Variants in GLT1D1 observed in about 807,000 individuals in gnomAD.
The protein encoded by GLT1D1 is glycosyltransferase 1 domain containing 1, also known as glycosyltransferase 1 domain-containing protein 1.
In GLT1D1, 21 loss-of-function variants were observed where a neutral mutation model predicts 28.7. That is an observed-to-expected ratio of 0.73 (90% CI 0.52 to 1.05). The LOEUF is 1.05. Among genes scored for constraint, GLT1D1 ranks in the 50% least tolerant of loss-of-function variants. The probability of loss-of-function intolerance (pLI) is 0.00; values close to 1 mark genes in which losing one functional copy is unlikely to be tolerated. For synonymous variants in GLT1D1, 147 were observed against 124.8 expected (o/e 1.18, Z -1.19); for missense variants, 343 against 330.6 (o/e 1.04, Z -0.29).
chr12:128,975,244 G>A (rs1242788391), intron 7 of GLT1D1, among the ~76,000 whole-genome samples: 3 of 152,116 alleles, frequency 2.0e-5, no homozygotes, highest in African/African-American at 7.2e-5. Context: ...TGGAATGGAC[G>A]TCAGACTCAG....
At chr12:128,866,618 CTT>C (rs538025804) in intron 1 of GLT1D1, among the ~76,000 whole-genome samples, 19 of 130,550 alleles carry the variant, frequency 1.5e-4, no homozygotes, top group African/African-American at 3.1e-4. Context: ...CACCTTCAGG[CTT>C]TTTTTTTTTT....
Position 128,881,017 on chromosome 12 carries a change from G to A in GLT1D1, c.217+4955G>A, listed in dbSNP as rs542196840. Reference sequence around the variant, plus strand: ...AGACGGGCGGATCACGAGGTCAGGAGATCGAGACCATCTTGGCTAACACGG... The same window carrying A: ...AGACGGGCGGATCACGAGGTCAGGAAATCGAGACCATCTTGGCTAACACGG... On this transcript the variant is annotated intron_variant, in intron 2 of 7. Coordinates refer to ENST00000281703, the MANE Select transcript of GLT1D1 (RefSeq NM_144669.3). Among the ~76,000 whole-genome samples the A allele has an allele frequency of 4.4e-4, 66 of 149,542 alleles. No homozygotes were observed. In the East Asian group the frequency reaches 0.013, roughly 29 times the overall value.
chr12:128,861,334 CTCTG>C (rs1300482824), intron 1 of GLT1D1, among the ~76,000 whole-genome samples: 1 of 152,214 alleles, frequency 6.6e-6, no homozygotes, highest in African/African-American at 2.4e-5. Context: ...GGTATTTCCT[CTCTG>C]TCTGCTTCCA....
rs538893965 is a variant in GLT1D1, at chr12:128,898,440, G to T, written c.324-796G>T. ...GATCTTCCTGCCTCAGCCTCCCAAA[G>T]TATTGGGATTACAAGTGTGAGCCAC... On this transcript the variant is annotated intron_variant, in intron 3 of 7. Transcript: ENST00000281703. Among the ~76,000 whole-genome samples the T allele has an allele frequency of 7.9e-5, 12 of 152,276 alleles. No homozygotes were observed. The East Asian group carries it at 2.3e-3, about 29-fold the overall frequency.
At chr12:128,938,486 G>A (rs116911639) in intron 4 of GLT1D1, among the ~76,000 whole-genome samples, 2,784 of 152,262 alleles carry the variant, frequency 0.018, 37 homozygotes, top group Middle Eastern at 0.051. Flanking sequence ...AATCCTTTGC[G>A]TTAAATCTCA....
intron 7 of GLT1D1, among the ~76,000 whole-genome samples, chr12:128,976,088 A>G (rs1879738178): frequency 6.6e-6 from 1 of 152,216 alleles, no homozygotes; most frequent in East Asian, 1.9e-4. Flanking sequence ...TGTACAAGAA[A>G]AGTACCACAG....
intron 4 of GLT1D1, among the ~76,000 whole-genome samples, chr12:128,916,894 C>G (rs1872161596): frequency 6.6e-6 from 1 of 152,126 alleles, no homozygotes; most frequent in South Asian, 2.1e-4. Flanking sequence ...GCTTTTGAGT[C>G]CTGTCTACAA....
intron 6 of GLT1D1, among the ~76,000 whole-genome samples, chr12:128,951,982 C>G (rs1265488206): frequency 1.3e-5 from 2 of 152,142 alleles, no homozygotes; most frequent in East Asian, 3.9e-4. Context: ...GGAATCCTCC[C>G]CTGCGTCTCC....
At chr12:128,934,959 G>A (rs767515443) in intron 4 of GLT1D1, among the ~76,000 whole-genome samples, 5 of 151,704 alleles carry the variant, frequency 3.3e-5, no homozygotes, top group Non-Finnish European at 7.4e-5. Flanking sequence ...CTTCAAGGAC[G>A]GGGTCCAGGA....
intron 6 of GLT1D1, among the ~76,000 whole-genome samples, chr12:128,956,171 A>AAAAAAAAAAAAG (rs374597920): frequency 4.7e-5 from 3 of 63,978 alleles, no homozygotes; most frequent in South Asian, 1.5e-3. Context: ...AAAAAAAAAA[A>AAAAAAAAAAAAG]AGAGAAAGAG....
chr12:128,945,021 C>A, intron 4 of GLT1D1: 1 of 614,940 alleles, frequency 1.6e-6, no homozygotes, highest in South Asian at 2.0e-5. Flanking sequence ...TGTTCAATTC[C>A]CACCTATGAG....
At chr12:128,894,674 T>C (rs1033928987) in intron 3 of GLT1D1, among the ~76,000 whole-genome samples, 1 of 151,672 alleles carries the variant, frequency 6.6e-6, no homozygotes, top group African/African-American at 2.4e-5. Flanking sequence ...TGAACCCTCA[T>C]CTCTACTAAA....
intron 7 of GLT1D1, among the ~76,000 whole-genome samples, chr12:128,967,904 G>A (rs368529161): frequency 3.9e-4 from 59 of 152,364 alleles, no homozygotes; most frequent in East Asian, 3.3e-3. Flanking sequence ...ATCCTGCTGC[G>A]TTGATTGGAT....
At chr12:128,946,976 C>G (rs1166397182) in intron 5 of GLT1D1, among the ~76,000 whole-genome samples, 1 of 151,982 alleles carries the variant, frequency 6.6e-6, no homozygotes, top group Admixed American at 6.6e-5. Flanking sequence ...TTCTTATTGT[C>G]TCATTAGTAT....
chr12:128,906,724 T>G (rs916980907), intron 4 of GLT1D1, among the ~76,000 whole-genome samples: 1 of 151,920 alleles, frequency 6.6e-6, no homozygotes, highest in African/African-American at 2.4e-5. Context: ...TCTTTTTTTT[T>G]TTTTCTTTTT....
At chr12:128,898,163 CCTT>C (rs1418842125) in intron 3 of GLT1D1, among the ~76,000 whole-genome samples, 6 of 151,654 alleles carry the variant, frequency 4.0e-5, no homozygotes, top group East Asian at 1.9e-4. Context: ...TCCTCCTCCT[CCTT>C]CTTCTTCCTT....
intron 6 of GLT1D1, among the ~76,000 whole-genome samples, chr12:128,947,829 T>C (rs117863495): frequency 0.01 from 1,552 of 152,240 alleles, 17 homozygotes; most frequent in Non-Finnish European, 0.014. Flanking sequence ...TTTCTCTTTC[T>C]TTTCCATATG....
At chr12:128,906,347 G>C (rs961193398) in intron 4 of GLT1D1, among the ~76,000 whole-genome samples, 3 of 152,038 alleles carry the variant, frequency 2.0e-5, no homozygotes, top group Admixed American at 6.6e-5. Context: ...AAATTCATCA[G>C]AATTTCACCA....
chr12:128,977,443 GTT>G (rs1040540533), intron 7 of GLT1D1, among the ~76,000 whole-genome samples: 10 of 152,126 alleles, frequency 6.6e-5, no homozygotes, highest in Admixed American at 2.6e-4. Flanking sequence ...CTGCACATGT[GTT>G]TTGTTTACTT....
Sources: allele counts gnomAD v4.1 joint callset (sites outside exome capture counted in the v4.1 genomes callset), GRCh38; gene constraint gnomAD v4.1.1; transcripts MANE v1.5; gene names NCBI Gene and HGNC (gene_info 2026-07-23, HGNC 2026-07-21).